Variants in FAM149A observed in about 807,000 individuals in gnomAD.
The protein encoded by FAM149A is family with sequence similarity 149 member A, also known as protein FAM149A.
A neutral mutation model predicts 78.2 loss-of-function variants in FAM149A; 71 were observed. The observed-to-expected ratio is 0.91, with a 90% CI of 0.75 to 1.11. The LOEUF (loss-of-function observed/expected upper bound fraction) is 1.11. FAM149A is among the 50% of genes least tolerant of loss of function. The pLI, the probability that FAM149A is intolerant of heterozygous loss-of-function variation, is 0.00. For missense variants in FAM149A, 1,036 were observed against 971.0 expected (o/e 1.07, Z -0.89); for synonymous variants, 446 against 410.5 (o/e 1.09, Z -1.04).
chr4:186,107,620 C>T (rs1485101248), intron 1 of FAM149A: 1 of 152,260 alleles, frequency 6.6e-6, no homozygotes, highest in Admixed American at 6.6e-5. Flanking sequence ...GAGACGGGGT[C>T]TCCCTATGTT....
chr4:186,112,124 T>C (rs2099311556), intron 1 of FAM149A, among the ~76,000 whole-genome samples: 3 of 139,980 alleles, frequency 2.1e-5, no homozygotes, highest in East Asian at 4.5e-4. Flanking sequence ...CCCTTGTAAG[T>C]TGGATTCCTA....
chr4:186,138,518 GC>G (rs2126400298), intron 1 of FAM149A, among the ~76,000 whole-genome samples: 1 of 152,270 alleles, frequency 6.6e-6, no homozygotes, highest in East Asian at 1.9e-4. Context: ...TTTCCCCAGT[GC>G]CCTTCCTCTC....
chr4:186,150,119 C>T (rs1268340831), intron 3 of FAM149A, among the ~76,000 whole-genome samples: 1 of 130,274 alleles, frequency 7.7e-6, no homozygotes, highest in Non-Finnish European at 1.8e-5. Flanking sequence ...TTCACCTTCA[C>T]CCCCTACCGC....
intron 1 of FAM149A, chr4:186,132,975 A>G: frequency 4.1e-6 from 4 of 985,308 alleles, no homozygotes; most frequent in Non-Finnish European, 4.8e-6. Flanking sequence ...TTTAAAAGAG[A>G]CATTGACGCT....
At chr4:186,155,241 C>T (rs1733957325) in intron 6 of FAM149A, among the ~76,000 whole-genome samples, 1 of 152,250 alleles carries the variant, frequency 6.6e-6, no homozygotes, top group Admixed American at 6.5e-5. Flanking sequence ...GCTGGGATTA[C>T]AGGCGTGAGC....
At chr4:186,170,062 G>T in intron 13 of FAM149A, 1 of 567,450 alleles carries the variant, frequency 1.8e-6, no homozygotes, top group Non-Finnish European at 2.2e-6. Flanking sequence ...GGATCAGGCT[G>T]GCTTTTCTTC....
Position 186,105,168 on chromosome 4 carries a change from C to G in FAM149A, c.92C>G (p.Ser31Trp), listed in dbSNP as rs1442240225. The G allele has an allele frequency of 7.8e-7, 1 of 1,277,688 alleles. No homozygotes were observed. Among genetic ancestry groups the G allele is most frequent in the African/African-American group, 1.6e-5 (1 of 63,484 alleles). 79.1% of individuals were successfully genotyped at this position (1,277,688 alleles called of 1,614,324 possible). Residue 31 changes from serine (S) to tryptophan (W), a missense_variant, in exon 1 of 14, where the codon TCG becomes TGG. This residue lies in a region of FAM149A where 316 missense variants were observed against 241.9 expected (regional missense o/e 1.31). Coordinates refer to ENST00000389354, the MANE Select transcript of FAM149A (RefSeq NM_001367768.3). ...CCCGCAGGCCCCTCCTCCAGACCCT[C>G]GGGAGGTGCTGCCGCTGCAGGGTCG...
chr4:186,154,237 G>A (rs781595107), intron 5 of FAM149A, among the ~76,000 whole-genome samples: 6 of 152,022 alleles, frequency 3.9e-5, no homozygotes, highest in Non-Finnish European at 8.8e-5. Flanking sequence ...AACCAAAGAG[G>A]GTACAAACTC....
intron 1 of FAM149A, chr4:186,117,512 A>T (rs2099314243): frequency 1.0e-6 from 1 of 985,430 alleles, no homozygotes; most frequent in South Asian, 4.7e-5. Flanking sequence ...CTGAGTTCTA[A>T]AGAATGTCCA....
chr4:186,132,423 C>T (rs373724857), intron 1 of FAM149A, among the ~76,000 whole-genome samples: 1 of 152,324 alleles, frequency 6.6e-6, no homozygotes, highest in East Asian at 1.9e-4. Context: ...GTGTTGCCGA[C>T]ATTGGTGAAA....
chr4:186,136,061 A>G (rs1042448677), intron 1 of FAM149A, among the ~76,000 whole-genome samples: 2 of 152,252 alleles, frequency 1.3e-5, no homozygotes, highest in African/African-American at 4.8e-5. Context: ...TTTCAGTTAC[A>G]TAAAATCTAA....
intron 1 of FAM149A, chr4:186,108,995 CT>C (rs2099310037): frequency 6.5e-6 from 1 of 153,842 alleles, no homozygotes; most frequent in Non-Finnish European, 1.4e-5. Flanking sequence ...CTGCAGGTGC[CT>C]GCCACCACGC....
chr4:186,109,365 C>A, intron 1 of FAM149A: 1 of 674,386 alleles, frequency 1.5e-6, no homozygotes, highest in Non-Finnish European at 1.8e-6. Flanking sequence ...ACTGTGGAAA[C>A]ATTGCAGTGG....
At position 186,104,870 on chromosome 4, in the gene FAM149A, G is replaced by A. The variant is rs1463463091; in HGVS notation, c.-207G>A. The A allele has an allele frequency of 5.3e-6, 4 of 759,270 alleles. No individual in the cohort carries two copies. The African/African-American group carries it at 5.7e-5, about 11-fold the overall frequency. 47.0% of individuals were successfully genotyped at this position (759,270 alleles called of 1,614,324 possible). On this transcript the variant is annotated 5_prime_UTR_variant, in exon 1 of 14. Coordinates refer to ENST00000389354, the MANE Select transcript of FAM149A (RefSeq NM_001367768.3). ...AGGCGGGGCTGCTCTCCGCAGCCGGGGCGCTCGGCGGACGGACCCGGGCCG... is the reference window on the plus strand; with the variant it reads ...AGGCGGGGCTGCTCTCCGCAGCCGGAGCGCTCGGCGGACGGACCCGGGCCG...
At position 186,171,981 on chromosome 4, in the gene FAM149A, A is replaced by G. The variant is rs1368877643; in HGVS notation, c.2286A>G (p.Thr762=). ...CTTTCAAGAGGAGATTCCAAGTGACATCTTGAAACCACCTCACCAGAACCA... is the reference window on the plus strand; with the variant it reads ...CTTTCAAGAGGAGATTCCAAGTGACGTCTTGAAACCACCTCACCAGAACCA... Residue 762 remains threonine, a synonymous_variant, in exon 14 of 14, where the codon ACA becomes ACG. Coordinates refer to ENST00000389354, the MANE Select transcript of FAM149A (RefSeq NM_001367768.3). The G allele has an allele frequency of 1.9e-6, 3 of 1,611,388 alleles. No individual in the cohort carries two copies. Among genetic ancestry groups the G allele is most frequent in the Non-Finnish European group, 2.5e-6 (3 of 1,178,776 alleles).
At chr4:186,132,911 C>CCTTAA (rs2099321332) in intron 1 of FAM149A, 1 of 946,448 alleles carries the variant, frequency 1.1e-6, no homozygotes, top group Non-Finnish European at 1.3e-6. Context: ...TCCCTAAATT[C>CCTTAA]ATGTTCATGT....
intron 13 of FAM149A, among the ~76,000 whole-genome samples, chr4:186,170,314 A>G (rs1253323329): frequency 6.6e-6 from 1 of 152,254 alleles, no homozygotes; most frequent in Middle Eastern, 3.2e-3. Context: ...CTCAGCTTCC[A>G]TACCTGTAAA....
intron 8 of FAM149A, chr4:186,160,958 C>A: frequency 1.2e-6 from 1 of 831,218 alleles, no homozygotes; most frequent in Non-Finnish European, 1.5e-6. Flanking sequence ...AGGTAGGAAG[C>A]TGTGAGAATT....
At chr4:186,158,770 C>G in intron 8 of FAM149A, 2 of 1,035,530 alleles carry the variant, frequency 1.9e-6, no homozygotes, top group Non-Finnish European at 2.3e-6. Context: ...GAGCACTCAG[C>G]CTGCCAGGCA....
Sources: allele counts gnomAD v4.1 joint callset (sites outside exome capture counted in the v4.1 genomes callset), GRCh38; gene constraint gnomAD v4.1.1; regional missense constraint gnomAD v4.1.1; transcripts MANE v1.5; gene names NCBI Gene and HGNC (gene_info 2026-07-23, HGNC 2026-07-21).